CELF2: variants seen among roughly 807,000 people sequenced by gnomAD.
CELF2 encodes the protein CUGBP Elav-like family member 2, also known as CUG triplet repeat RNA-binding protein 2.
In CELF2, 8 loss-of-function variants were observed where a neutral mutation model predicts 62.6. The ratio of observed to expected loss-of-function variants is 0.13; its 90% CI spans 0.07 to 0.23. CELF2 has a LOEUF of 0.23. Ranked by LOEUF, CELF2 falls within the 10% of genes least tolerant of loss-of-function variation. CELF2 has a pLI of 1.00. For synonymous variants in CELF2, 258 were observed against 250.0 expected (o/e 1.03, Z -0.30); for missense variants, 333 against 671.0 (o/e 0.50, Z 5.56).
At chr10:10,940,092 C>A (rs1461769433) in intron 2 of CELF2, among the ~76,000 whole-genome samples, 1 of 152,116 alleles carries the variant, frequency 6.6e-6, no homozygotes, top group Non-Finnish European at 1.5e-5. Flanking sequence ...AAATTTTATG[C>A]TTGCCAGGTT....
intron 1 of CELF2, among the ~76,000 whole-genome samples, chr10:10,815,717 G>C (rs1056555311): frequency 1.3e-5 from 2 of 151,936 alleles, no homozygotes; most frequent in African/African-American, 2.4e-5. Flanking sequence ...CATGAAATTA[G>C]CTTCCTTGTC....
intron 1 of CELF2, among the ~76,000 whole-genome samples, chr10:10,812,581 C>T (rs2056029824): frequency 6.6e-6 from 1 of 152,154 alleles, no homozygotes; most frequent in African/African-American, 2.4e-5. Context: ...GTCTGTTCAG[C>T]ACTGTGTCCT....
chr10:10,933,753 A>G (rs1405673094), intron 2 of CELF2, among the ~76,000 whole-genome samples: 1 of 152,134 alleles, frequency 6.6e-6, no homozygotes, highest in African/African-American at 2.4e-5. Context: ...AAGTTCATCC[A>G]TATTGTTGAA....
At chr10:11,120,058 C>A (rs1223417713) in intron 1 of CELF2, among the ~76,000 whole-genome samples, 1 of 152,060 alleles carries the variant, frequency 6.6e-6, no homozygotes, top group Admixed American at 6.5e-5. Context: ...GAATTTGGTC[C>A]TATCACTGCT....
chr10:10,906,077 A>C (rs1035343570), intron 1 of CELF2, among the ~76,000 whole-genome samples: 1 of 151,984 alleles, frequency 6.6e-6, no homozygotes, highest in African/African-American at 2.4e-5. Flanking sequence ...TCTCAATAAA[A>C]ATAAAAATAA....
chr10:11,303,424 A>G (rs147981246), intron 9 of CELF2, among the ~76,000 whole-genome samples: 1 of 152,360 alleles, frequency 6.6e-6, no homozygotes, highest in East Asian at 1.9e-4. Flanking sequence ...AAGATGTTGA[A>G]TCTTCATTGC....
At chr10:10,772,826 G>A in the CELF2 span, among the ~76,000 whole-genome samples, 1 of 149,384 alleles carries the variant, frequency 6.7e-6, no homozygotes, top group African/African-American at 2.5e-5. Context: ...GTGAAAATGT[G>A]TCAAGTAAAA....
chr10:10,473,175 A>C, the CELF2 span, among the ~76,000 whole-genome samples: 1 of 152,016 alleles, frequency 6.6e-6, no homozygotes, highest in Non-Finnish European at 1.5e-5. Context: ...TACAGGAGTA[A>C]GCTGGGCCCC....
chr10:10,594,111 C>T, the CELF2 span, among the ~76,000 whole-genome samples: 2 of 152,054 alleles, frequency 1.3e-5, no homozygotes, highest in Non-Finnish European at 1.5e-5. Flanking sequence ...TGGGCAATAA[C>T]CGTGGAGGCG....
chr10:10,792,037 G>GGGAGAGAGGGAGGAAGGAAGGAA, the CELF2 span, among the ~76,000 whole-genome samples: 1 of 140,102 alleles, frequency 7.1e-6, no homozygotes, highest in African/African-American at 2.5e-5. Flanking sequence ...GAAGGAAGGA[G>GGGAGAGAGGGAGGAAGGAAGGAA]GGAGAGAGGG....
At chr10:11,104,576 G>C (rs1297486518) in intron 1 of CELF2, among the ~76,000 whole-genome samples, 2 of 152,156 alleles carry the variant, frequency 1.3e-5, no homozygotes, top group Admixed American at 1.3e-4. Context: ...CAGCTACCAG[G>C]GAGGCTGAGG....
chr10:10,790,133 C>T, the CELF2 span, among the ~76,000 whole-genome samples: 2 of 152,012 alleles, frequency 1.3e-5, no homozygotes, highest in Non-Finnish European at 1.5e-5. Flanking sequence ...ACCTCCACAG[C>T]GTTCTTGTAA....
At chr10:11,289,137 A>G (rs976993191) in intron 9 of CELF2, among the ~76,000 whole-genome samples, 4 of 152,214 alleles carry the variant, frequency 2.6e-5, no homozygotes, top group Middle Eastern at 3.4e-3. Context: ...TACAAGCCAG[A>G]TAGAATGTGG....
chr10:10,836,859 C>T (rs1380855381), intron 1 of CELF2, among the ~76,000 whole-genome samples: 1 of 152,096 alleles, frequency 6.6e-6, no homozygotes, highest in African/African-American at 2.4e-5. Context: ...ATGGTCTTGA[C>T]CTCCTGACCT....
chr10:10,813,847 T>C lies in CELF2; in HGVS notation c.53+15030T>C, dbSNP rs1015815219. ...GTTTTAGAACCTTTGAGATCCACGA[T>C]AACTTGGACAGCAACAGGGAGACTG... On this transcript the variant is annotated intron_variant, in intron 1 of 13. Coordinates refer to the CELF2 transcript ENST00000636488. Among the ~76,000 whole-genome samples the C allele has an allele frequency of 3.3e-5, 5 of 152,176 alleles. No homozygotes were observed. The East Asian group carries it at 7.7e-4, about 23-fold the overall frequency.
At chr10:10,884,639 A>G (rs1360806310) in intron 1 of CELF2, among the ~76,000 whole-genome samples, 3 of 152,172 alleles carry the variant, frequency 2.0e-5, no homozygotes, top group Non-Finnish European at 4.4e-5. Context: ...ACACACCCAT[A>G]CACTGTGCTT....
At chr10:10,602,488 T>C in the CELF2 span, among the ~76,000 whole-genome samples, 1 of 113,368 alleles carries the variant, frequency 8.8e-6, no homozygotes, top group Non-Finnish European at 1.9e-5. Context: ...TAGCATGTTC[T>C]AGATAGCTAA....
chr10:11,189,627 G>T (rs1370580974), intron 2 of CELF2, among the ~76,000 whole-genome samples: 1 of 152,180 alleles, frequency 6.6e-6, no homozygotes, highest in Non-Finnish European at 1.5e-5. Flanking sequence ...ACTGGGTCCT[G>T]CCTGGTGTCC....
At chr10:10,520,379 G>A in the CELF2 span, among the ~76,000 whole-genome samples, 1 of 152,136 alleles carries the variant, frequency 6.6e-6, no homozygotes, top group Non-Finnish European at 1.5e-5. Flanking sequence ...CCAGGGTTAG[G>A]GGTAGGTAGA....
Sources: gnomAD v4.1 joint callset for allele counts (sites outside exome capture counted in the v4.1 genomes callset) on GRCh38, gnomAD v4.1.1 for gene constraint, MANE v1.5 for transcripts, NCBI Gene and HGNC (gene_info 2026-07-23, HGNC 2026-07-21) for gene names.